CNPY1: variants seen among roughly 807,000 people sequenced by gnomAD.
The protein encoded by CNPY1 is canopy FGF signaling regulator 1.
Under a neutral mutation model 14.4 loss-of-function variants are expected in CNPY1, and 14 were observed. That is an observed-to-expected ratio of 0.97 (90% confidence interval 0.64 to 1.52). The LOEUF (loss-of-function observed/expected upper bound fraction) is 1.52, where lower values mean the gene tolerates loss of function less well. Ranked by LOEUF, CNPY1 falls within the 40% of genes most tolerant of loss-of-function variation. The pLI is 0.00. For missense variants in CNPY1, 129 were observed against 131.5 expected, an observed-to-expected ratio of 0.98 and a Z score of 0.09; for synonymous variants, 43 against 46.5, an observed-to-expected ratio of 0.92 and a Z score of 0.31.
At position 155,546,518 on chromosome 7, in the gene CNPY1, T is replaced by C; in HGVS notation, c.-104A>G. The C allele has an allele frequency of 5.6e-6, 2 of 355,586 alleles. No homozygotes were observed. The highest frequency in any genetic ancestry group is 3.7e-5 in the East Asian group (1 of 26,756). 22.0% of individuals were successfully genotyped at this position (355,586 alleles called of 1,614,324 possible). A position where few individuals can be genotyped will look rare whatever the true frequency, so the allele number is the denominator to read the frequency against. On this transcript the variant is annotated 5_prime_UTR_variant, in exon 1 of 5. Transcript: ENST00000636446. The stretch of plus-strand genomic sequence containing the variant: ...TCCTATTTATTCATTTATTTATTTT[T>C]TGAGACAGAGTCTTGCTCTGTCACC...
At chr7:155,521,048 AAAG>A (rs571321334) in intron 2 of CNPY1, among the ~76,000 whole-genome samples, 1,749 of 90,964 alleles carry the variant, frequency 0.019, 28 homozygotes, top group African/African-American at 0.053. Flanking sequence ...AATGAAAAAA[AAAG>A]AAAGAAGGAA....
At chr7:155,518,361 C>G (rs1431974661) in intron 2 of CNPY1, 1 of 152,612 alleles carries the variant, frequency 6.6e-6, no homozygotes, top group East Asian at 1.9e-4. Context: ...AGAAAGCATG[C>G]AGCAGAGATC....
chr7:155,523,902 G>A (rs1796771949), intron 2 of CNPY1, among the ~76,000 whole-genome samples: 1 of 152,178 alleles, frequency 6.6e-6, no homozygotes, highest in African/African-American at 2.4e-5. Context: ...CCACACGGGG[G>A]AGAAAGGCTG....
At chr7:155,516,254 A>C (rs534358139) in intron 2 of CNPY1, among the ~76,000 whole-genome samples, 12 of 152,364 alleles carry the variant, frequency 7.9e-5, no homozygotes, top group Admixed American at 7.8e-4. Context: ...GGGTATTCCC[A>C]AGAGTTCTGA....
chr7:155,539,346 T>C (rs541214723), intron 2 of CNPY1, among the ~76,000 whole-genome samples: 1 of 152,366 alleles, frequency 6.6e-6, no homozygotes, highest in South Asian at 2.1e-4. Flanking sequence ...CAAAACATAC[T>C]TTCCTTTTCT....
At position 155,539,179 on chromosome 7, in the gene CNPY1, A is replaced by G. The variant is rs553951019; in HGVS notation, c.99+6652T>C. 1.4e-4 allele frequency among the ~76,000 whole-genome samples: 21 copies of G among 152,338 alleles called. No individual in the cohort carries two copies. The South Asian group carries it at 4.4e-3, about 32-fold the overall frequency. ...TGATTTTCTTTCTGCAGAAGGAGTC[A>G]GGAATTGTTGTGGCATTGTTTGGGT... On this transcript the variant is annotated intron_variant, in intron 2 of 4. Transcript: ENST00000636446.
chr7:155,546,277 T>G (rs1044923408), intron 1 of CNPY1, among the ~76,000 whole-genome samples, 152 bp downstream of exon 1: 2 of 146,384 alleles, frequency 1.4e-5, no homozygotes, highest in African/African-American at 5.1e-5. Context: ...GCCTCAACCT[T>G]CCACACTCAA....
In CNPY1 at chr7:155,509,081, G is replaced by A. The variant is rs756610986; in HGVS notation, c.116C>T (p.Ser39Leu). The part of the protein sequence containing the change: ...QERRKIPLAQ[S>L]EAFLTDLLEK... The stretch of plus-strand genomic sequence containing the variant: ...CAAAAGATCCGTTAGGAACGCCTCC[G>A]ACTGAGCTAGGGGGATCTAAGAAGA... Residue 39 changes from serine (S) to leucine (L), a missense_variant, in exon 3 of 5, where the codon TCG becomes TTG. Physicochemically the swap from Ser to Leu is moderately radical, Grantham distance 145. Coordinates refer to ENST00000636446, the MANE Select transcript of CNPY1 (RefSeq NM_001393663.1). 5.7e-5 allele frequency: 91 copies of A among 1,597,798 alleles called. No individual in the cohort carries two copies. Among genetic ancestry groups the A allele is most frequent in the Middle Eastern group, 1.7e-4 (1 of 6,030 alleles).
At chr7:155,529,238 C>A (rs1024178229) in intron 2 of CNPY1, among the ~76,000 whole-genome samples, 2 of 152,142 alleles carry the variant, frequency 1.3e-5, no homozygotes, top group African/African-American at 4.8e-5. Context: ...GTCCGACGTT[C>A]TACGTGAAAT....
intron 2 of CNPY1, among the ~76,000 whole-genome samples, chr7:155,517,185 A>G (rs2116706774): frequency 6.6e-6 from 1 of 152,298 alleles, no homozygotes; most frequent in African/African-American, 2.4e-5. Context: ...TTAAGATCAG[A>G]TCGGGTCATT....
At chr7:155,519,985 T>A (rs1585314600) in intron 2 of CNPY1, among the ~76,000 whole-genome samples, 1 of 152,174 alleles carries the variant, frequency 6.6e-6, no homozygotes, top group African/African-American at 2.4e-5. Context: ...TTAAAAATGA[T>A]CAGTAACTCT....
At chr7:155,537,577 T>C (rs1315786030) in intron 2 of CNPY1, among the ~76,000 whole-genome samples, 1 of 151,970 alleles carries the variant, frequency 6.6e-6, no homozygotes, top group Non-Finnish European at 1.5e-5. Context: ...GAATGTGCCA[T>C]CACACCCCGC....
intron 2 of CNPY1, among the ~76,000 whole-genome samples, chr7:155,513,353 G>A (rs1330695616): frequency 6.6e-6 from 1 of 152,164 alleles, no homozygotes; most frequent in Non-Finnish European, 1.5e-5. Flanking sequence ...GGAATTAATA[G>A]GAGTGCTTCC....
Position 155,546,160 on chromosome 7 carries a change from C to A in CNPY1, c.-14-217G>T, listed in dbSNP as rs958331821. On this transcript the variant is annotated intron_variant, in intron 1 of 4. Coordinates refer to ENST00000636446, the MANE Select transcript of CNPY1 (RefSeq NM_001393663.1). The stretch of plus-strand genomic sequence containing the variant: ...CTTTTGTACTTTGTGTTTTCAAAAC[C>A]ATATACAATTTACTTTTACATTTAA... Among the ~76,000 whole-genome samples the A allele has an allele frequency of 1.6e-4, 25 of 151,674 alleles. 2 individuals are homozygous for A. In the Admixed American group the frequency reaches 1.6e-3, roughly 10 times the overall value.
intron 2 of CNPY1, among the ~76,000 whole-genome samples, chr7:155,530,901 A>T (rs1796926871): frequency 6.6e-6 from 1 of 152,228 alleles, no homozygotes; most frequent in Non-Finnish European, 1.5e-5. Context: ...AGCCACTGCC[A>T]AATGTCCCTT....
chr7:155,519,729 C>G (rs933355815), intron 2 of CNPY1, among the ~76,000 whole-genome samples: 60 of 152,174 alleles, frequency 3.9e-4, no homozygotes, highest in African/African-American at 1.4e-3. Context: ...AAATTCACAC[C>G]TGAAGGGAAA....
At chr7:155,523,802 C>T (rs552958533) in intron 2 of CNPY1, among the ~76,000 whole-genome samples, 276 of 152,318 alleles carry the variant, frequency 1.8e-3, no homozygotes, top group Non-Finnish European at 3.0e-3. Flanking sequence ...TTTGCAGATA[C>T]ACTCAGCTAG....
chr7:155,508,787 G>A (rs1796416719), intron 3 of CNPY1, 107 bp downstream of exon 3: 4 of 1,191,982 alleles, frequency 3.4e-6, no homozygotes, highest in Non-Finnish European at 4.8e-6. Flanking sequence ...GCATTTTGAT[G>A]TTCCATGTCT....
intron 2 of CNPY1, among the ~76,000 whole-genome samples, chr7:155,525,313 TG>T (rs1373068181): frequency 6.6e-6 from 1 of 152,150 alleles, no homozygotes; most frequent in Non-Finnish European, 1.5e-5. Context: ...CCCGAGTAGC[TG>T]GGATTACAGG....
Sources: allele counts gnomAD v4.1 joint callset (sites outside exome capture counted in the v4.1 genomes callset), GRCh38; gene constraint gnomAD v4.1.1; transcripts MANE v1.5; gene names NCBI Gene and HGNC (gene_info 2026-07-23, HGNC 2026-07-21).